The following CHST11 variants were observed in gnomAD, a reference collection of about 807,000 sequenced individuals.
CHST11 encodes the protein carbohydrate sulfotransferase 11.
A neutral mutation model predicts 30.4 loss-of-function variants in CHST11; 9 were observed. The observed-to-expected ratio is 0.30, with a 90% CI of 0.18 to 0.52. CHST11 has a LOEUF of 0.52. Ranked by LOEUF, CHST11 falls within the 20% of genes least tolerant of loss-of-function variation. CHST11 has a pLI of 0.97. For synonymous variants in CHST11, 152 were observed against 187.8 expected (o/e 0.81, Z 1.56); for missense variants, 348 against 460.6 (o/e 0.76, Z 2.24).
chr12:104,692,708 G>A (rs2039907801), intron 2 of CHST11, among the ~76,000 whole-genome samples: 1 of 152,104 alleles, frequency 6.6e-6, no homozygotes, highest in South Asian at 2.1e-4. Context: ...TCCACCTCCT[G>A]TCATATCAGT....
At chr12:104,570,225 C>T (rs1308895267) in intron 1 of CHST11, among the ~76,000 whole-genome samples, 2 of 152,144 alleles carry the variant, frequency 1.3e-5, no homozygotes, top group Non-Finnish European at 2.9e-5. Context: ...TGTTTTTCTC[C>T]ACCCACACCT....
At chr12:104,656,531 C>CTATG (rs1231016481) in intron 2 of CHST11, among the ~76,000 whole-genome samples, 1 of 152,210 alleles carries the variant, frequency 6.6e-6, no homozygotes, top group Non-Finnish European at 1.5e-5. Flanking sequence ...ATGAAGCCAA[C>CTATG]TATGGCATGC....
At chr12:104,719,687 C>T (rs1391842629) in intron 2 of CHST11, among the ~76,000 whole-genome samples, 1 of 152,322 alleles carries the variant, frequency 6.6e-6, no homozygotes, top group East Asian at 1.9e-4. Context: ...TAGCTGGGAC[C>T]CCTCTTTATT....
At chr12:104,737,765 C>T (rs2040313255) in intron 2 of CHST11, among the ~76,000 whole-genome samples, 1 of 152,122 alleles carries the variant, frequency 6.6e-6, no homozygotes, top group Non-Finnish European at 1.5e-5. Context: ...GGGAGAATCC[C>T]CCACCAGGCA....
rs2038068569 is a variant in CHST11 at position 104,520,936 on chromosome 12, A to G, written c.118+63407A>G. The stretch of plus-strand genomic sequence containing the variant: ...CTTTGGAATACGTGAGTCCGGTGGG[A>G]AAGAATAGAACATATTCTGAATCTT... On this transcript the variant is annotated intron_variant, in intron 1 of 2. Coordinates refer to ENST00000303694, the MANE Select transcript of CHST11 (RefSeq NM_018413.6). Among the ~76,000 whole-genome samples, 3 of 152,208 alleles carry G rather than the reference A, an allele frequency of 2.0e-5. No homozygotes were observed. In the South Asian group the frequency reaches 6.2e-4, roughly 32 times the overall value.
chr12:104,757,347 C>T lies in CHST11; in HGVS notation c.603C>T (p.Thr201=). The T allele has an allele frequency of 6.2e-7, 1 of 1,614,128 alleles. No homozygotes were observed. Among genetic ancestry groups the T allele is most frequent in the South Asian group, 1.1e-5 (1 of 91,068 alleles). The change falls in exon 3 of 3, where the codon ACC becomes ACT. Residue 201 remains threonine (T), a synonymous_variant. Coordinates refer to ENST00000303694, the MANE Select transcript of CHST11 (RefSeq NM_018413.6). This position sits in a 1 kb window ranked among gnomAD's most constrained non-coding sequence, Gnocchi z 6.5. The part of the protein sequence containing the change: ...RLVSAYRNKF[T]QKYNISFHKR... ...TGTCCGCCTACCGCAACAAGTTCACCCAGAAGTACAACATCTCCTTCCACA... is the reference window on the plus strand; with the variant it reads ...TGTCCGCCTACCGCAACAAGTTCACTCAGAAGTACAACATCTCCTTCCACA...
chr12:104,610,043 C>CTGTG (rs56983056), intron 2 of CHST11, among the ~76,000 whole-genome samples: 2,964 of 143,050 alleles, frequency 0.021, 54 homozygotes, highest in African/African-American at 0.03. Context: ...ATGAGTGCCT[C>CTGTG]TGTGTGTGTG....
intron 1 of CHST11, among the ~76,000 whole-genome samples, chr12:104,466,112 G>A (rs988058500): frequency 1.3e-5 from 2 of 151,878 alleles, no homozygotes; most frequent in East Asian, 3.9e-4. Flanking sequence ...TGCCCGCCAC[G>A]GCCTCCCAAA....
In CHST11 at chr12:104,669,231, C is replaced by T. The variant is rs528817199; in HGVS notation, c.204+67240C>T. On this transcript the variant is annotated intron_variant, in intron 2 of 2. Transcript: ENST00000303694. ...ACACTCCCCTCCCCTTCTCCTGCCCCGCCAGCTCCACGCCCTCCTGAATGT... is the reference window on the plus strand; with the variant it reads ...ACACTCCCCTCCCCTTCTCCTGCCCTGCCAGCTCCACGCCCTCCTGAATGT... 1.7e-4 allele frequency among the ~76,000 whole-genome samples: 26 copies of T among 152,290 alleles called. 1 individual carries two copies. In the South Asian group the frequency reaches 5.2e-3, roughly 30 times the overall value.
At position 104,617,871 on chromosome 12, in the gene CHST11, A is replaced by T. The variant is rs887558977; in HGVS notation, c.204+15880A>T. Among the ~76,000 whole-genome samples, 4 of 152,150 alleles carry T rather than the reference A, an allele frequency of 2.6e-5. No homozygotes were observed. The East Asian group carries it at 7.7e-4, about 29-fold the overall frequency. On this transcript the variant is annotated intron_variant, in intron 2 of 2. Coordinates refer to ENST00000303694, the MANE Select transcript of CHST11 (RefSeq NM_018413.6). ...TAAAGTGCCTAGAACAGTGGCTAGCAGTACACAGTCAAATACATATTTTTT... is the reference window on the plus strand; with the variant it reads ...TAAAGTGCCTAGAACAGTGGCTAGCTGTACACAGTCAAATACATATTTTTT...
intron 1 of CHST11, among the ~76,000 whole-genome samples, chr12:104,492,046 C>G (rs530967174): frequency 9.1e-4 from 138 of 152,290 alleles, no homozygotes; most frequent in Non-Finnish European, 1.4e-3. Flanking sequence ...TCCTTGGAGA[C>G]ACCTCTTCTG....
At chr12:104,739,454 G>A (rs984524849) in intron 2 of CHST11, among the ~76,000 whole-genome samples, 7 of 152,088 alleles carry the variant, frequency 4.6e-5, no homozygotes, top group Non-Finnish European at 8.8e-5. Flanking sequence ...CCGTGGCACC[G>A]TCATCCCCAT....
At position 104,676,410 on chromosome 12, in the gene CHST11, C is replaced by T. The variant is rs535172860; in HGVS notation, c.204+74419C>T. Among the ~76,000 whole-genome samples the T allele has an allele frequency of 5.3e-5, 8 of 152,222 alleles. No individual in the cohort carries two copies. The South Asian group carries it at 1.2e-3, about 24-fold the overall frequency. ...TCCATTGTCACATCTTTTCTGACTC[C>T]GAGTCACTGCCTCCTTTTCTTTTGA... is the stretch of plus-strand genomic sequence containing the variant. On this transcript the variant is annotated intron_variant, in intron 2 of 2. Transcript: ENST00000303694. This position sits in a 1 kb window ranked among gnomAD's most constrained non-coding sequence, Gnocchi z 4.4.
intron 1 of CHST11, among the ~76,000 whole-genome samples, chr12:104,466,422 A>C (rs931287207): frequency 6.6e-6 from 1 of 152,254 alleles, no homozygotes; most frequent in Non-Finnish European, 1.5e-5. Flanking sequence ...TTGATGGCAA[A>C]GCCGGAGAGT....
chr12:104,637,424 C>A (rs2039336416), intron 2 of CHST11, among the ~76,000 whole-genome samples: 1 of 149,590 alleles, frequency 6.7e-6, no homozygotes, highest in African/African-American at 2.5e-5. Context: ...CAACATGGCA[C>A]ATGTATACAT....
intron 2 of CHST11, among the ~76,000 whole-genome samples, chr12:104,659,171 A>C (rs1045065276): frequency 6.6e-6 from 1 of 152,220 alleles, no homozygotes; most frequent in Non-Finnish European, 1.5e-5. Flanking sequence ...GATGCCATGG[A>C]TAAGAGCACA....
intron 2 of CHST11, among the ~76,000 whole-genome samples, chr12:104,722,610 C>T (rs1321979735): frequency 1.3e-5 from 2 of 151,944 alleles, no homozygotes; most frequent in African/African-American, 2.4e-5. Flanking sequence ...TGGAAGAGGA[C>T]GGGCTATGGT....
intron 2 of CHST11, among the ~76,000 whole-genome samples, chr12:104,636,533 G>A (rs1378801892): frequency 6.6e-6 from 1 of 152,176 alleles, no homozygotes; most frequent in East Asian, 1.9e-4. Flanking sequence ...TTCAGGTAAA[G>A]AGCCAAGAAG....
intron 2 of CHST11, among the ~76,000 whole-genome samples, chr12:104,604,405 G>A (rs986768398): frequency 4.6e-5 from 7 of 152,132 alleles, no homozygotes; most frequent in South Asian, 2.1e-4. Context: ...TCGTTTCCTC[G>A]GGATGTTTTT....
Sources: gnomAD v4.1 joint callset for allele counts (sites outside exome capture counted in the v4.1 genomes callset) on GRCh38, gnomAD v4.1.1 for gene constraint, Gnocchi (gnomAD v3.1) non-coding constraint, MANE v1.5 for transcripts, NCBI Gene and HGNC (gene_info 2026-07-23, HGNC 2026-07-21) for gene names.